The following PCDH9 variants were observed in gnomAD, a reference collection of about 807,000 sequenced individuals.
The protein encoded by PCDH9 is protocadherin-9.
Under a neutral mutation model 70.6 loss-of-function variants are expected in PCDH9, and 24 were observed. That is an observed-to-expected ratio of 0.34 (90% CI 0.25 to 0.48). PCDH9 has a LOEUF of 0.48. Among genes scored for constraint, PCDH9 ranks in the 20% least tolerant of loss-of-function variants. The probability of loss-of-function intolerance (pLI) is 0.99; values close to 1 mark genes in which losing one functional copy is unlikely to be tolerated. For synonymous variants in PCDH9, 562 were observed against 558.5 expected, an observed-to-expected ratio of 1.01 and a Z score of -0.09; for missense variants, 1,281 against 1,503.6, an observed-to-expected ratio of 0.85 and a Z score of 2.45.
intron 4 of PCDH9, among the ~76,000 whole-genome samples, chr13:66,525,876 T>C (rs1291402097): frequency 6.6e-6 from 1 of 152,162 alleles, no homozygotes; most frequent in Admixed American, 6.6e-5. Flanking sequence ...TTCACTTTAT[T>C]CTCTTCCTTA....
intron 4 of PCDH9, among the ~76,000 whole-genome samples, chr13:66,501,772 A>T (rs1413486006): frequency 6.6e-6 from 1 of 152,154 alleles, no homozygotes; most frequent in African/African-American, 2.4e-5. Flanking sequence ...AAAGAAAAAA[A>T]TCCCTTTACC....
At chr13:66,560,331 A>T (rs1401301896) in intron 4 of PCDH9, among the ~76,000 whole-genome samples, 1 of 152,014 alleles carries the variant, frequency 6.6e-6, no homozygotes, top group Non-Finnish European at 1.5e-5. Context: ...CCTCTATTGC[A>T]GCACAAAGTG....
chr13:66,336,645 A>G (rs1956042725), intron 4 of PCDH9, among the ~76,000 whole-genome samples: 1 of 152,050 alleles, frequency 6.6e-6, no homozygotes, highest in Non-Finnish European at 1.5e-5. Context: ...TGAGTTTGCT[A>G]TGTGGATATA....
chr13:66,643,469 C>A (rs2077733679), intron 3 of PCDH9, among the ~76,000 whole-genome samples: 1 of 152,046 alleles, frequency 6.6e-6, no homozygotes, highest in Non-Finnish European at 1.5e-5. Flanking sequence ...ACAAAAATCA[C>A]TCCTACATTT....
intron 3 of PCDH9, among the ~76,000 whole-genome samples, chr13:66,814,674 C>T (rs538309307): frequency 1.2e-3 from 184 of 152,092 alleles, no homozygotes; most frequent in African/African-American, 4.1e-3. Flanking sequence ...ACTTCTCATT[C>T]GATAAATGGT....
At chr13:66,774,119 A>G (rs765793796) in intron 3 of PCDH9, among the ~76,000 whole-genome samples, 3 of 152,178 alleles carry the variant, frequency 2.0e-5, no homozygotes. Context: ...TTGAGAAACA[A>G]GACAATTATG....
In PCDH9 at chr13:66,779,084, T is replaced by C. The variant is rs1318521476; in HGVS notation, c.3138+124420A>G. On this transcript the variant is annotated intron_variant, in intron 3 of 4. Coordinates refer to ENST00000377865, the MANE Select transcript of PCDH9 (RefSeq NM_203487.3). ...TATCAATATTTCATATTTTTAAATA[T>C]GAGTCTCTTAGAGTTCCCTATGCAG... Among the ~76,000 whole-genome samples, 5 of 152,178 alleles carry C rather than the reference T, an allele frequency of 3.3e-5. No individual in the cohort carries two copies. The East Asian group carries it at 9.6e-4, about 29-fold the overall frequency.
chr13:66,624,988 T>G (rs183708164), intron 4 of PCDH9, among the ~76,000 whole-genome samples: 1 of 152,098 alleles, frequency 6.6e-6, no homozygotes, highest in Non-Finnish European at 1.5e-5. Context: ...ACCACCCATA[T>G]AGCCATCACC....
At chr13:67,163,377 G>T (rs1020771280) in intron 2 of PCDH9, among the ~76,000 whole-genome samples, 4 of 152,258 alleles carry the variant, frequency 2.6e-5, no homozygotes, top group Admixed American at 6.5e-5. Flanking sequence ...AGATAGATCA[G>T]GTATTTTAAC....
chr13:66,473,814 A>G (rs796237672), intron 4 of PCDH9, among the ~76,000 whole-genome samples: 16 of 152,296 alleles, frequency 1.1e-4, no homozygotes, highest in African/African-American at 3.8e-4. Flanking sequence ...CAAAGAAAAA[A>G]GCAAATTTTG....
At chr13:66,867,543 T>G (rs921304959) in intron 3 of PCDH9, among the ~76,000 whole-genome samples, 3 of 152,066 alleles carry the variant, frequency 2.0e-5, no homozygotes, top group Non-Finnish European at 4.4e-5. Flanking sequence ...AGAATAGCTA[T>G]GAAAAAAACC....
At chr13:66,932,681 T>TATATATATACACAC (rs1313632174) in intron 2 of PCDH9, among the ~76,000 whole-genome samples, 6 of 114,822 alleles carry the variant, frequency 5.2e-5, no homozygotes, top group African/African-American at 2.1e-4. Flanking sequence ...TATATATATA[T>TATATATATACACAC]ACACACACAC....
chr13:66,337,828 T>A (rs1956062328), intron 4 of PCDH9, among the ~76,000 whole-genome samples: 1 of 152,020 alleles, frequency 6.6e-6, no homozygotes, highest in Non-Finnish European at 1.5e-5. Context: ...GAGGAGAAAT[T>A]TAATTGAATG....
At chr13:66,568,994 CTTTTTTT>C (rs61067249) in intron 4 of PCDH9, among the ~76,000 whole-genome samples, 3 of 58,314 alleles carry the variant, frequency 5.1e-5, no homozygotes, top group African/African-American at 2.2e-4. Flanking sequence ...GGAAACATGT[CTTTTTTT>C]TTTTTTTTTT....
At chr13:66,560,132 C>G (rs753467797) in intron 4 of PCDH9, among the ~76,000 whole-genome samples, 1 of 151,950 alleles carries the variant, frequency 6.6e-6, no homozygotes, top group Non-Finnish European at 1.5e-5. Flanking sequence ...GCCTTCAACC[C>G]GAACACTTCC....
At position 67,164,906 on chromosome 13, in the gene PCDH9, G is replaced by A. The variant is rs571987218; in HGVS notation, c.3036+60499C>T. 2.9e-3 allele frequency among the ~76,000 whole-genome samples: 434 copies of A among 152,102 alleles called. 2 individuals carry two copies. Among genetic ancestry groups the A allele is most frequent in the African/African-American group, 1.0e-2 (414 of 41,494 alleles). On this transcript the variant is annotated intron_variant, in intron 2 of 4. Transcript: ENST00000377865. Reference sequence around the variant, plus strand: ...TCATTATTCTGTTTGTGTTTCTATAGCACTAGTCCTATGGAAATGATCTTC... The same window carrying A: ...TCATTATTCTGTTTGTGTTTCTATAACACTAGTCCTATGGAAATGATCTTC...
chr13:67,104,272 T>C (rs1207124190), intron 2 of PCDH9, among the ~76,000 whole-genome samples: 1 of 152,138 alleles, frequency 6.6e-6, no homozygotes, highest in Non-Finnish European at 1.5e-5. Context: ...CATTGAACCA[T>C]TGGAAACTCA....
In PCDH9 at chr13:66,549,149, C is replaced by T. The variant is rs572869969; in HGVS notation, c.3340+82061G>A. On this transcript the variant is annotated intron_variant, in intron 4 of 4. Coordinates refer to ENST00000377865, the MANE Select transcript of PCDH9 (RefSeq NM_203487.3). ...TTGATATATGTATTTAATGTATATACGTACACAAAATATATACATGTGTAT... is the reference window on the plus strand; with the variant it reads ...TTGATATATGTATTTAATGTATATATGTACACAAAATATATACATGTGTAT... Among the ~76,000 whole-genome samples, 7 of 151,918 alleles carry T rather than the reference C, an allele frequency of 4.6e-5. No homozygotes were observed. The South Asian group carries it at 1.0e-3, about 23-fold the overall frequency.
chr13:66,575,784 T>C (rs944056686), intron 4 of PCDH9, among the ~76,000 whole-genome samples: 5 of 152,122 alleles, frequency 3.3e-5, no homozygotes, highest in African/African-American at 1.2e-4. Context: ...CAAAACACAC[T>C]GTAATTTTTT....
Sources: gnomAD v4.1 joint callset for allele counts (sites outside exome capture counted in the v4.1 genomes callset) on GRCh38, gnomAD v4.1.1 for gene constraint, MANE v1.5 for transcripts, NCBI Gene and HGNC (gene_info 2026-07-23, HGNC 2026-07-21) for gene names.